PRTG: variants seen among roughly 807,000 people sequenced by gnomAD.
PRTG encodes immunoglobulin superfamily, DCC subclass, member 5.
In PRTG, 67 loss-of-function variants were observed where a neutral mutation model predicts 122.5. The ratio of observed to expected loss-of-function variants is 0.55; its 90% CI spans 0.45 to 0.67. The LOEUF (loss-of-function observed/expected upper bound fraction) is 0.67, where lower values mean the gene tolerates loss of function less well. PRTG is among the 30% of genes least tolerant of loss of function. The pLI is 0.00. For missense variants in PRTG, 1,435 were observed against 1,415.4 expected (o/e 1.01, Z -0.22); for synonymous variants, 554 against 501.1 (o/e 1.11, Z -1.41).
chr15:55,613,710 G>GT lies in PRTG; in HGVS notation c.*6301dup, dbSNP rs1304418662. 6.8e-6 allele frequency: 1 copy of GT among 146,386 alleles called. No individual in the cohort carries two copies. Among genetic ancestry groups the GT allele is most frequent in the Non-Finnish European group, 1.5e-5 (1 of 66,684 alleles). The allele number at this position is 146,386 out of a possible 1,614,324, so 9.1% of individuals were successfully genotyped here. A position where few individuals can be genotyped will look rare whatever the true frequency, so the allele number is the denominator to read the frequency against. ...TTGTGGATACAAGGAAAAAACAGTT[G>GT]TATCTGGTCACACTATGGAAGGCAC... On this transcript the variant is annotated 3_prime_UTR_variant, in exon 20 of 20. Coordinates refer to ENST00000389286, the MANE Select transcript of PRTG (RefSeq NM_173814.6).
At chr15:55,722,366 T>C (rs2030856789) in intron 2 of PRTG, among the ~76,000 whole-genome samples, 2 of 152,258 alleles carry the variant, frequency 1.3e-5, no homozygotes, top group South Asian at 4.1e-4. Context: ...TCTCAAGATC[T>C]AGCAAGAGTA....
At chr15:55,622,065 C>G (rs916725644) in intron 18 of PRTG, among the ~76,000 whole-genome samples, 1 of 152,020 alleles carries the variant, frequency 6.6e-6, no homozygotes, top group African/African-American at 2.4e-5. Context: ...ATGTGTCTCT[C>G]TCCTTCACTT....
At chr15:55,700,413 A>G (rs1239080882) in intron 2 of PRTG, among the ~76,000 whole-genome samples, 1 of 152,234 alleles carries the variant, frequency 6.6e-6, no homozygotes, top group African/African-American at 2.4e-5. Flanking sequence ...TTAGGCAAAC[A>G]GTTTTTATAT....
rs1053592639 is a variant in PRTG, at chr15:55,627,093, T to C, written c.2842A>G (p.Met948Val). 1.2e-5 allele frequency: 20 copies of C among 1,608,546 alleles called. No homozygotes were observed. The highest frequency in any genetic ancestry group is 5.4e-5 in the African/African-American group (4 of 74,738). ...SGYYHLDQKSMTGIAVGVGIA... is the reference protein window; with the variant it reads ...SGYYHLDQKSVTGIAVGVGIA... ...CCAACACCTACAGCAATGCCAGTCA[T>C]TGATTTTTGGTCCAGATGGTAATAT... Residue 948 changes from methionine (M) to valine (V), a missense_variant, in exon 17 of 20, where the codon ATG becomes GTG. Coordinates refer to ENST00000389286, the MANE Select transcript of PRTG (RefSeq NM_173814.6).
intron 4 of PRTG, 25 bp from the exon 5 acceptor site, chr15:55,680,653 T>C: frequency 1.4e-6 from 2 of 1,408,122 alleles, no homozygotes; most frequent in East Asian, 2.4e-5. Context: ...AGACAGAATA[T>C]AAAAATAAAT....
At chr15:55,733,496 G>T (rs1281793916) in intron 2 of PRTG, among the ~76,000 whole-genome samples, 2 of 129,146 alleles carry the variant, frequency 1.5e-5, no homozygotes, top group East Asian at 4.8e-4. Context: ...GGCAACAAGA[G>T]CAAAACTCTG....
intron 7 of PRTG, 96 bp from the exon 8 acceptor site, chr15:55,678,140 T>A: frequency 1.4e-6 from 1 of 739,990 alleles, no homozygotes; most frequent in Admixed American, 2.9e-5. Flanking sequence ...TTTTATTTTA[T>A]TTTAAAATTA....
At position 55,613,474 on chromosome 15, in the gene PRTG, T is replaced by C. The variant is rs570502737; in HGVS notation, c.*6538A>G. On this transcript the variant is annotated 3_prime_UTR_variant, in exon 20 of 20. Coordinates refer to ENST00000389286, the MANE Select transcript of PRTG (RefSeq NM_173814.6). ...ACTCTAGAAACCATGCCTACCTTAT[T>C]TGTAATGTAACTCTAAGTACAAACA... 1 of 152,234 alleles carries C rather than the reference T, an allele frequency of 6.6e-6. No individual in the cohort carries two copies. Among genetic ancestry groups the C allele is most frequent in the Non-Finnish European group, 1.5e-5 (1 of 67,970 alleles). 9.4% of individuals were successfully genotyped at this position (152,234 alleles called of 1,614,324 possible).
At position 55,670,182 on chromosome 15, in the gene PRTG, T is replaced by G. The variant is rs149747401; in HGVS notation, c.2041+2263A>C. On this transcript the variant is annotated intron_variant, in intron 11 of 19. Coordinates refer to ENST00000389286, the MANE Select transcript of PRTG (RefSeq NM_173814.6). The stretch of plus-strand genomic sequence containing the variant: ...TGCATATATGTATCTGTAGAAAATT[T>G]TGAAGAATTGCTTTTAATTGCCAAA... Among the ~76,000 whole-genome samples the G allele has an allele frequency of 3.3e-3, 501 of 152,202 alleles. 3 individuals carry two copies. The highest frequency in any genetic ancestry group is 0.011 in the African/African-American group (470 of 41,528).
At chr15:55,721,711 C>T (rs2030832614) in intron 2 of PRTG, among the ~76,000 whole-genome samples, 2 of 152,282 alleles carry the variant, frequency 1.3e-5, no homozygotes, top group South Asian at 4.1e-4. Context: ...TGAATTGAAT[C>T]ACAGTTAAGG....
At chr15:55,672,407 G>T (rs1348921036) in intron 11 of PRTG, 38 bp downstream of exon 11, 38 of 1,522,930 alleles carry the variant, frequency 2.5e-5, no homozygotes, top group Non-Finnish European at 3.4e-5. Context: ...TGTCAGAGAG[G>T]AAGGAAAAAG....
intron 15 of PRTG, among the ~76,000 whole-genome samples, chr15:55,636,732 C>A (rs563072838): frequency 1.3e-5 from 2 of 151,800 alleles, no homozygotes; most frequent in Admixed American, 1.3e-4. Flanking sequence ...AATGCAACTC[C>A]GCCTCCTGGG....
chr15:55,724,627 T>C (rs1595678762), intron 2 of PRTG, among the ~76,000 whole-genome samples: 1 of 150,858 alleles, frequency 6.6e-6, no homozygotes, highest in South Asian at 2.1e-4. Context: ...GGTGTGGTGG[T>C]GCATGCCTGT....
At chr15:55,685,794 A>G (rs188737496) in intron 2 of PRTG, among the ~76,000 whole-genome samples, 115 of 152,310 alleles carry the variant, frequency 7.6e-4, no homozygotes, top group African/African-American at 2.7e-3. Flanking sequence ...GAGTATAAAG[A>G]GTGAGACTCT....
chr15:55,711,086 T>TGG (rs2030366164), intron 2 of PRTG, among the ~76,000 whole-genome samples: 1 of 150,110 alleles, frequency 6.7e-6, no homozygotes, highest in African/African-American at 2.4e-5. Context: ...TTTGTATTTT[T>TGG]TTTTTTTTTT....
At chr15:55,667,886 G>C (rs1480601926) in intron 11 of PRTG, among the ~76,000 whole-genome samples, 1 of 152,118 alleles carries the variant, frequency 6.6e-6, no homozygotes, top group African/African-American at 2.4e-5. Flanking sequence ...AGGAGTTCAA[G>C]ACCAGCCTGG....
rs543632742 is a variant in PRTG at position 55,638,357 on chromosome 15, C to T, written c.2452+192G>A. 2.6e-5 allele frequency among the ~76,000 whole-genome samples: 4 copies of T among 151,922 alleles called. No individual in the cohort carries two copies. The East Asian group carries it at 7.7e-4, about 29-fold the overall frequency. On this transcript the variant is annotated intron_variant, in intron 14 of 19. Transcript: ENST00000389286. ...CCTACGTGCTTGCACAATACACACACTGAGAAGAAAAAATTTAAATAAAAT... is the reference window on the plus strand; with the variant it reads ...CCTACGTGCTTGCACAATACACACATTGAGAAGAAAAAATTTAAATAAAAT...
chr15:55,681,609 TTG>T (rs2059538667), intron 4 of PRTG: 2 of 152,206 alleles, frequency 1.3e-5, no homozygotes, highest in African/African-American at 2.4e-5. Context: ...ACTTTTATTT[TTG>T]TGTTTTTAAA....
chr15:55,672,643 T>C lies in PRTG; in HGVS notation c.1853-10A>G. The C allele has an allele frequency of 6.2e-7, 1 of 1,603,266 alleles. No homozygotes were observed. Among genetic ancestry groups the C allele is most frequent in the Non-Finnish European group, 8.5e-7 (1 of 1,174,410 alleles). ...TCTGGAGACTTAGGGGCTAGCAAAA[T>C]TCATCAGAAAATGTATGTATAAACA... On this transcript the variant is annotated splice_polypyrimidine_tract_variant and intron_variant, in intron 10 of 19. Transcript: ENST00000389286.
Sources: allele counts gnomAD v4.1 joint callset (sites outside exome capture counted in the v4.1 genomes callset), GRCh38; gene constraint gnomAD v4.1.1; transcripts MANE v1.5; gene names NCBI Gene and HGNC (gene_info 2026-07-23, HGNC 2026-07-21).